The following DCDC1 variants were observed in gnomAD, a reference collection of about 807,000 sequenced individuals.
DCDC1 encodes the protein doublecortin domain-containing protein 1.
DCDC1 carries 200 observed loss-of-function variants against 178.3 expected under a neutral mutation model. The ratio of observed to expected loss-of-function variants is 1.12; its 90% CI spans 1.00 to 1.26. The LOEUF is 1.26. DCDC1 is among the 50% of genes most tolerant of loss of function. DCDC1 has a pLI of 0.00. For missense variants in DCDC1, 1,983 were observed against 1,749.2 expected, an observed-to-expected ratio of 1.13 and a Z score of -2.38; for synonymous variants, 690 against 604.8, an observed-to-expected ratio of 1.14 and a Z score of -2.07.
At chr11:31,057,269 G>A (rs11031269) in intron 20 of DCDC1, among the ~76,000 whole-genome samples, 4 of 133,782 alleles carry the variant, frequency 3.0e-5, no homozygotes, top group African/African-American at 8.3e-5. Context: ...GGAAGGAAGG[G>A]AGGGAGGGAG....
chr11:31,115,187 T>G (rs1959694090), intron 11 of DCDC1, among the ~76,000 whole-genome samples: 1 of 152,168 alleles, frequency 6.6e-6, no homozygotes, highest in African/African-American at 2.4e-5. Context: ...ACTTAAACTA[T>G]ATAGGGAAAG....
chr11:30,869,977 G>A (rs944427274), intron 38 of DCDC1, among the ~76,000 whole-genome samples: 1 of 152,154 alleles, frequency 6.6e-6, no homozygotes, highest in Non-Finnish European at 1.5e-5. Context: ...GGCTCTGGGG[G>A]TGGGGGTGTG....
rs187818414 is a variant in DCDC1 at position 31,200,256 on chromosome 11, A to G, written c.1221+41194T>C. On this transcript the variant is annotated intron_variant, in intron 9 of 38. Coordinates refer to ENST00000684477, the MANE Select transcript of DCDC1 (RefSeq NM_001387274.1). ...ACTGTCTAAAGATGTGTTTTAAATT[A>G]AGGAATTCTCTTCAGGATTGAAATT... Among the ~76,000 whole-genome samples the G allele has an allele frequency of 1.6e-3, 243 of 152,230 alleles. 1 individual carries two copies. The highest frequency in any genetic ancestry group is 5.6e-3 in the African/African-American group (232 of 41,580).
intron 9 of DCDC1, among the ~76,000 whole-genome samples, chr11:31,215,655 T>C (rs1035876823): frequency 1.3e-5 from 2 of 151,912 alleles, no homozygotes; most frequent in Non-Finnish European, 2.9e-5. Flanking sequence ...TAGCCGGGCA[T>C]GGTGGTGTGC....
chr11:31,016,969 C>A (rs1293627470), intron 20 of DCDC1, among the ~76,000 whole-genome samples: 4 of 152,272 alleles, frequency 2.6e-5, no homozygotes, highest in African/African-American at 7.2e-5. Context: ...AAAACTTAGA[C>A]TTTATACTCT....
rs1314367039 is a variant in DCDC1 at position 31,157,872 on chromosome 11, A to G, written c.1222-20088T>C. Among the ~76,000 whole-genome samples the G allele has an allele frequency of 2.0e-5, 3 of 152,228 alleles. No individual in the cohort carries two copies. In the East Asian group the frequency reaches 5.8e-4, roughly 29 times the overall value. ...TGGTATTTTACTACAATAAAAAAGTAGCTATAACATATGTTAAGAAAAACA... is the reference window on the plus strand; with the variant it reads ...TGGTATTTTACTACAATAAAAAAGTGGCTATAACATATGTTAAGAAAAACA... On this transcript the variant is annotated intron_variant, in intron 9 of 38. Coordinates refer to ENST00000684477, the MANE Select transcript of DCDC1 (RefSeq NM_001387274.1).
At chr11:31,170,679 C>A (rs1967092407) in intron 9 of DCDC1, among the ~76,000 whole-genome samples, 3 of 152,246 alleles carry the variant, frequency 2.0e-5, no homozygotes, top group Admixed American at 2.0e-4. Context: ...TAGCATAGTA[C>A]TACATACTGT....
At chr11:31,337,959 C>T (rs1000236622) in intron 1 of DCDC1, among the ~76,000 whole-genome samples, 14 of 152,106 alleles carry the variant, frequency 9.2e-5, no homozygotes, top group Non-Finnish European at 8.8e-5. Context: ...ACATGACTGA[C>T]CTGTATTCAA....
chr11:30,920,975 C>T, intron 24 of DCDC1, 40 bp from the exon 25 acceptor site: 2 of 1,566,028 alleles, frequency 1.3e-6, no homozygotes, highest in East Asian at 2.3e-5. Context: ...ATATTACTTA[C>T]AATTGCAGAG....
chr11:31,111,825 C>T (rs917099753), intron 11 of DCDC1, among the ~76,000 whole-genome samples: 4 of 152,000 alleles, frequency 2.6e-5, no homozygotes, highest in South Asian at 2.1e-4. Flanking sequence ...GTTCCTTTGT[C>T]GAGACTTGCT....
intron 28 of DCDC1, among the ~76,000 whole-genome samples, chr11:30,910,723 GA>G (rs957778256): frequency 3.7e-4 from 54 of 147,456 alleles, no homozygotes; most frequent in Admixed American, 1.4e-3. Context: ...AGAAAAATGT[GA>G]AAAAAAAAAG....
intron 21 of DCDC1, among the ~76,000 whole-genome samples, chr11:30,946,218 ACCTGCTTAC>A: frequency 6.6e-6 from 1 of 152,130 alleles, no homozygotes; most frequent in Admixed American, 6.5e-5. Flanking sequence ...ACCTGCTGGC[ACCTGCTTAC>A]CACCAGCAGT....
chr11:31,113,977 C>G (rs2135826022), intron 11 of DCDC1, among the ~76,000 whole-genome samples: 1 of 152,232 alleles, frequency 6.6e-6, no homozygotes, highest in East Asian at 1.9e-4. Flanking sequence ...TGTTTCTCTT[C>G]CACCACCCAC....
At chr11:31,242,559 T>C (rs540659573) in intron 8 of DCDC1, among the ~76,000 whole-genome samples, 11 of 152,038 alleles carry the variant, frequency 7.2e-5, no homozygotes, top group South Asian at 6.2e-4. Flanking sequence ...AAAATAACTA[T>C]AGGTATTGGC....
chr11:31,088,900 A>G (rs1845053139), intron 17 of DCDC1, among the ~76,000 whole-genome samples: 1 of 152,032 alleles, frequency 6.6e-6, no homozygotes, highest in African/African-American at 2.4e-5. Context: ...GGAATTCCAC[A>G]TGTCACCCAT....
In DCDC1 at chr11:30,900,718, C is replaced by G. The variant is rs1944599236; in HGVS notation, c.4511-220G>C. On this transcript the variant is annotated intron_variant, in intron 32 of 38. Transcript: ENST00000684477. ...ATTGTAAATATGTTTTAATTTCTTT[C>G]TTACACATCACCTAGTTCTGAAAGA... Among the ~76,000 whole-genome samples the G allele has an allele frequency of 2.6e-5, 4 of 152,080 alleles. No individual in the cohort carries two copies. The South Asian group carries it at 6.2e-4, about 24-fold the overall frequency.
intron 9 of DCDC1, among the ~76,000 whole-genome samples, chr11:31,143,055 G>A (rs1309378598): frequency 6.6e-6 from 1 of 152,058 alleles, no homozygotes; most frequent in African/African-American, 2.4e-5. Context: ...TAGGTTAACA[G>A]TAAAGTGCAA....
At chr11:31,311,689 T>TA (rs1021725145) in intron 3 of DCDC1, among the ~76,000 whole-genome samples, 3 of 152,142 alleles carry the variant, frequency 2.0e-5, no homozygotes, top group Non-Finnish European at 4.4e-5. Context: ...TCGACAATCC[T>TA]AAAGATGCCA....
chr11:31,070,885 C>A (rs188527621), intron 18 of DCDC1, among the ~76,000 whole-genome samples: 1 of 152,114 alleles, frequency 6.6e-6, no homozygotes, highest in African/African-American at 2.4e-5. Flanking sequence ...GTATGGCAGG[C>A]AAGTCTGCAG....
Sources: allele counts gnomAD v4.1 joint callset (sites outside exome capture counted in the v4.1 genomes callset), GRCh38; gene constraint gnomAD v4.1.1; transcripts MANE v1.5; gene names NCBI Gene and HGNC (gene_info 2026-07-23, HGNC 2026-07-21).